Variants in LOC128125817 observed in about 807,000 individuals in gnomAD.
At chr1:41,611,221 C>T in the LOC128125817 span, among the ~76,000 whole-genome samples, 3 of 152,130 alleles carry the variant, frequency 2.0e-5, no homozygotes, top group African/African-American at 4.8e-5. Flanking sequence ...TGGATGATAA[C>T]GTAACCCAGG....
the LOC128125817 span, among the ~76,000 whole-genome samples, chr1:41,598,366 C>G: frequency 1.1e-4 from 17 of 152,146 alleles, no homozygotes; most frequent in Non-Finnish European, 2.1e-4. Context: ...AGTTAAGGTT[C>G]TTGTGTCTAC....
the LOC128125817 span, among the ~76,000 whole-genome samples, chr1:41,605,367 G>GCACACACACA: frequency 8.9e-6 from 1 of 111,784 alleles, no homozygotes; most frequent in African/African-American, 4.1e-5. Flanking sequence ...ATACACACAC[G>GCACACACACA]CACACGCGCA....
chr1:41,591,864 T>G, the LOC128125817 span, among the ~76,000 whole-genome samples: 1 of 152,054 alleles, frequency 6.6e-6, no homozygotes, highest in African/African-American at 2.4e-5. Flanking sequence ...AGACACTGAC[T>G]CCCAGAGAAG....
the LOC128125817 span, among the ~76,000 whole-genome samples, chr1:41,605,764 T>C: frequency 6.6e-6 from 1 of 151,858 alleles, no homozygotes; most frequent in Non-Finnish European, 1.5e-5. Flanking sequence ...GGGGAAACCC[T>C]AATTGTGTGA....
the LOC128125817 span, among the ~76,000 whole-genome samples, chr1:41,588,013 G>A: frequency 6.6e-6 from 1 of 152,204 alleles, no homozygotes; most frequent in South Asian, 2.1e-4. Flanking sequence ...GCAGCTGCTG[G>A]ACAGAAGAAA....
At chr1:41,623,630 G>A in the LOC128125817 span, among the ~76,000 whole-genome samples, 9 of 152,316 alleles carry the variant, frequency 5.9e-5, no homozygotes, top group East Asian at 1.7e-3. Flanking sequence ...TGGCCTGGGA[G>A]TCAGGACTCC....
At chr1:41,593,681 T>G in the LOC128125817 span, among the ~76,000 whole-genome samples, 1 of 152,266 alleles carries the variant, frequency 6.6e-6, no homozygotes, top group Non-Finnish European at 1.5e-5. Flanking sequence ...ATAAACTGTC[T>G]CTTTAACATT....
the LOC128125817 span, among the ~76,000 whole-genome samples, chr1:41,592,869 G>A: frequency 6.6e-5 from 10 of 152,292 alleles, no homozygotes; most frequent in East Asian, 1.9e-4. Context: ...CCAGGGATCC[G>A]CATGTATCCC....
At chr1:41,622,273 A>C in the LOC128125817 span, among the ~76,000 whole-genome samples, 1 of 152,202 alleles carries the variant, frequency 6.6e-6, no homozygotes, top group African/African-American at 2.4e-5. Context: ...AGAATCCCAG[A>C]GTAAAGGTCC....
At chr1:41,619,238 C>A in the LOC128125817 span, among the ~76,000 whole-genome samples, 4 of 152,212 alleles carry the variant, frequency 2.6e-5, no homozygotes, top group Non-Finnish European at 4.4e-5. Flanking sequence ...CCAGCACTTG[C>A]TCCTCGCCTC....
chr1:41,602,575 T>G, the LOC128125817 span, among the ~76,000 whole-genome samples: 1 of 152,264 alleles, frequency 6.6e-6, no homozygotes, highest in Non-Finnish European at 1.5e-5. Context: ...TGGCATCAGT[T>G]GTGATGTCTC....
the LOC128125817 span, among the ~76,000 whole-genome samples, chr1:41,589,278 T>C: frequency 1.3e-5 from 2 of 152,178 alleles, no homozygotes; most frequent in Non-Finnish European, 1.5e-5. Flanking sequence ...ATGAGGCCAG[T>C]GAGAGCTCTC....
At chr1:41,617,680 C>A in the LOC128125817 span, among the ~76,000 whole-genome samples, 1 of 152,238 alleles carries the variant, frequency 6.6e-6, no homozygotes, top group Non-Finnish European at 1.5e-5. Flanking sequence ...CCATGATGCA[C>A]GGGAGAGAAC....
chr1:41,598,352 AG>A, the LOC128125817 span, among the ~76,000 whole-genome samples: 1 of 152,214 alleles, frequency 6.6e-6, no homozygotes, highest in African/African-American at 2.4e-5. Flanking sequence ...CAAGCTTCCT[AG>A]GTAGTTAAGG....
At chr1:41,597,037 C>A in the LOC128125817 span, among the ~76,000 whole-genome samples, 1 of 152,122 alleles carries the variant, frequency 6.6e-6, no homozygotes, top group African/African-American at 2.4e-5. Flanking sequence ...TAAATCATTT[C>A]CCTTGGATGA....
chr1:41,614,341 G>T, the LOC128125817 span, among the ~76,000 whole-genome samples: 3,690 of 152,292 alleles, frequency 0.024, 151 homozygotes, highest in African/African-American at 0.084. Context: ...TTTCTGAGAT[G>T]ATCTCAAAGC....
the LOC128125817 span, among the ~76,000 whole-genome samples, chr1:41,598,608 A>C: frequency 3.9e-5 from 6 of 152,094 alleles, no homozygotes; most frequent in Non-Finnish European, 8.8e-5. Context: ...TCATTTCTTC[A>C]TTTCTCCACT....
chr1:41,614,732 G>A, the LOC128125817 span, among the ~76,000 whole-genome samples: 1 of 152,178 alleles, frequency 6.6e-6, no homozygotes, highest in Non-Finnish European at 1.5e-5. Flanking sequence ...CACTTAGAAG[G>A]CCCCACATGG....
the LOC128125817 span, among the ~76,000 whole-genome samples, chr1:41,615,234 A>T: frequency 6.6e-6 from 1 of 152,228 alleles, no homozygotes; most frequent in Admixed American, 6.5e-5. Context: ...ACTGAATTAA[A>T]TAAATAATTT....
Sources: allele counts gnomAD v4.1 joint callset (sites outside exome capture counted in the v4.1 genomes callset), GRCh38; gene constraint gnomAD v4.1.1; transcripts MANE v1.5.